The following MAD1L1 variants were observed in gnomAD, a reference collection of about 807,000 sequenced individuals.
MAD1L1 encodes the protein mitotic arrest deficient 1 like 1, also known as mitotic spindle assembly checkpoint protein MAD1.
A neutral mutation model predicts 96.9 loss-of-function variants in MAD1L1; 95 were observed. That is an observed-to-expected ratio of 0.98 (90% CI 0.83 to 1.16). The LOEUF (loss-of-function observed/expected upper bound fraction) is 1.16. MAD1L1 is among the 50% of genes most tolerant of loss of function. The pLI is 0.00. For synonymous variants in MAD1L1, 473 were observed against 396.6 expected (o/e 1.19, Z -2.29); for missense variants, 1,007 against 954.4 (o/e 1.06, Z -0.73).
intron 18 of MAD1L1, among the ~76,000 whole-genome samples, chr7:1,852,270 T>C (rs563319456): frequency 1.3e-5 from 2 of 152,324 alleles, no homozygotes; most frequent in South Asian, 4.1e-4. Context: ...TGACGGCAGC[T>C]GGGTTCAGGC....
intron 18 of MAD1L1, among the ~76,000 whole-genome samples, chr7:1,880,142 G>GTGAC (rs1226478410): frequency 6.6e-6 from 1 of 152,242 alleles, no homozygotes; most frequent in Non-Finnish European, 1.5e-5. Flanking sequence ...TCCTACAGGA[G>GTGAC]TGACAGGTGA....
rs553424199 is a variant in MAD1L1, at chr7:2,086,041, G to A, written c.1074-16703C>T. ...CCGTGCGCAGCTCCACCTACCCCCA[G>A]GAATCCCACCCTGCCCGGGAGGACT... On this transcript the variant is annotated intron_variant, in intron 11 of 18. Transcript: ENST00000265854. Among the ~76,000 whole-genome samples the A allele has an allele frequency of 3.9e-5, 6 of 152,280 alleles. No homozygotes were observed. In the East Asian group the frequency reaches 1.2e-3, roughly 29 times the overall value.
At chr7:2,203,764 C>T (rs1792439217) in intron 10 of MAD1L1, among the ~76,000 whole-genome samples, 2 of 152,204 alleles carry the variant, frequency 1.3e-5, no homozygotes, top group Non-Finnish European at 2.9e-5. Context: ...ACATAAAGAG[C>T]TTCTATGTAC....
chr7:1,949,245 G>A (rs1351285471), intron 16 of MAD1L1, among the ~76,000 whole-genome samples: 2 of 152,156 alleles, frequency 1.3e-5, no homozygotes, highest in African/African-American at 4.8e-5. Flanking sequence ...TGGCTATGGT[G>A]ACCTACCAAG....
chr7:1,914,154 C>T (rs1003431875), intron 17 of MAD1L1, among the ~76,000 whole-genome samples: 3 of 152,240 alleles, frequency 2.0e-5, no homozygotes, highest in Non-Finnish European at 4.4e-5. Context: ...TCCCAGCCCC[C>T]TCCCCTGGCC....
At chr7:2,161,137 C>T (rs1385459305) in intron 10 of MAD1L1, among the ~76,000 whole-genome samples, 2 of 131,844 alleles carry the variant, frequency 1.5e-5, no homozygotes, top group South Asian at 3.3e-4. Flanking sequence ...CCCCTTTGCA[C>T]GGTCTCCCTC....
At chr7:1,839,476 C>G (rs1338877702) in intron 18 of MAD1L1, among the ~76,000 whole-genome samples, 1 of 152,182 alleles carries the variant, frequency 6.6e-6, no homozygotes, top group Non-Finnish European at 1.5e-5. Context: ...GGGCGGGGAA[C>G]CAGCCTGTTC....
intron 16 of MAD1L1, among the ~76,000 whole-genome samples, chr7:1,944,386 T>A (rs1779134707): frequency 6.6e-6 from 1 of 152,122 alleles, no homozygotes; most frequent in African/African-American, 2.4e-5. Context: ...TCAATAGAGC[T>A]GTTAGAAATG....
At chr7:1,847,089 T>A (rs6977733) in intron 18 of MAD1L1, 114,769 of 357,768 alleles carry the variant, frequency 0.32, 19,994 homozygotes, top group East Asian at 0.45. Flanking sequence ...TCTGCTCACA[T>A]CCATCAGGTA....
intron 16 of MAD1L1, among the ~76,000 whole-genome samples, chr7:1,948,314 T>G (rs996694337): frequency 2.3e-4 from 31 of 135,156 alleles, no homozygotes; most frequent in Admixed American, 1.4e-4. Flanking sequence ...ACGCCCCCCA[T>G]GAACCCCCTC....
chr7:2,221,135 T>A, intron 5 of MAD1L1: 2 of 988,632 alleles, frequency 2.0e-6, no homozygotes, highest in Non-Finnish European at 3.0e-6. Flanking sequence ...AGCGCCACCA[T>A]CTTCCCCTCA....
chr7:1,947,251 G>A (rs1203770500), intron 16 of MAD1L1, among the ~76,000 whole-genome samples: 4 of 152,246 alleles, frequency 2.6e-5, no homozygotes, highest in African/African-American at 4.8e-5. Flanking sequence ...GGTCCCTGCT[G>A]GGGAGGAGGC....
chr7:1,922,937 C>A (rs908428656), intron 17 of MAD1L1, among the ~76,000 whole-genome samples: 19 of 152,220 alleles, frequency 1.2e-4, no homozygotes, highest in African/African-American at 4.6e-4. Context: ...CGACACCAAC[C>A]CAGCCTTGCA....
intron 12 of MAD1L1, among the ~76,000 whole-genome samples, chr7:2,040,142 G>A (rs966217925): frequency 1.3e-5 from 2 of 152,164 alleles, no homozygotes; most frequent in Admixed American, 1.3e-4. Context: ...GCTGCATGCC[G>A]AAAATTAATA....
Position 2,052,756 on chromosome 7 carries a change from T to C in MAD1L1, c.1218+16438A>G, listed in dbSNP as rs553367767. ...CTGGAGCAAACAGCTGGGACACAGC[T>C]ACGGCAGCTGGCATGGGCATGGCCC... On this transcript the variant is annotated intron_variant, in intron 12 of 18. Transcript: ENST00000265854. Among the ~76,000 whole-genome samples, 5 of 152,322 alleles carry C rather than the reference T, an allele frequency of 3.3e-5. No homozygotes were observed. The South Asian group carries it at 1.0e-3, about 32-fold the overall frequency.
intron 11 of MAD1L1, among the ~76,000 whole-genome samples, chr7:2,116,106 C>G (rs1787675885): frequency 6.6e-6 from 1 of 152,246 alleles, no homozygotes; most frequent in Non-Finnish European, 1.5e-5. Flanking sequence ...ACAGAAAAAG[C>G]TGAAGGGCGT....
chr7:1,954,758 T>C (rs1368871584), intron 16 of MAD1L1, among the ~76,000 whole-genome samples: 1 of 152,166 alleles, frequency 6.6e-6, no homozygotes, highest in Non-Finnish European at 1.5e-5. Context: ...TGGGCCTCAC[T>C]TTCCCCATCT....
intron 12 of MAD1L1, among the ~76,000 whole-genome samples, chr7:2,023,184 C>G (rs1370409172): frequency 6.6e-6 from 1 of 152,210 alleles, no homozygotes; most frequent in Non-Finnish European, 1.5e-5. Flanking sequence ...CATCAATCAA[C>G]TGGGTCTAAA....
At chr7:1,865,855 G>A (rs1156735283) in intron 18 of MAD1L1, among the ~76,000 whole-genome samples, 2 of 152,214 alleles carry the variant, frequency 1.3e-5, no homozygotes, top group Non-Finnish European at 1.5e-5. Context: ...ACCGCCTGGG[G>A]GCTTCGGGGC....
Sources: gnomAD v4.1 joint callset for allele counts (sites outside exome capture counted in the v4.1 genomes callset) on GRCh38, gnomAD v4.1.1 for gene constraint, MANE v1.5 for transcripts, NCBI Gene and HGNC (gene_info 2026-07-23, HGNC 2026-07-21) for gene names.